The following OCIAD2 variants were observed in gnomAD, a reference collection of about 807,000 sequenced individuals.
OCIAD2 encodes OCIA domain-containing protein 2.
Under a neutral mutation model 22.9 loss-of-function variants are expected in OCIAD2, and 29 were observed. The ratio of observed to expected loss-of-function variants is 1.27; its 90% CI spans 0.94 to 1.73. OCIAD2 has a LOEUF of 1.73. Among genes scored for constraint, OCIAD2 ranks in the 40% most tolerant of loss-of-function variants. The probability of loss-of-function intolerance (pLI) is 0.00; values close to 1 mark genes in which losing one functional copy is unlikely to be tolerated. For synonymous variants in OCIAD2, 67 were observed against 60.2 expected (o/e 1.11, Z -0.52); for missense variants, 189 against 180.3 (o/e 1.05, Z -0.28).
In OCIAD2 at chr4:48,892,806, G is replaced by C; in HGVS notation, c.349C>G (p.Leu117Val). The stretch of plus-strand genomic sequence containing the variant: ...TGTGGACCAAAACCAGCCCCACGGA[G>C]CTGATCTTCAAAAAAATGGAATTTA... ...QSKFHFFEDQ[L>V]RGAGFGPQHN... The change falls in exon 6 of 7, where the codon CTC becomes GTC. Residue 117 changes from leucine (L) to valine (V), a missense_variant. Coordinates refer to ENST00000508632, the MANE Select transcript of OCIAD2 (RefSeq NM_001014446.3). 3 of 1,611,394 alleles carry C rather than the reference G, an allele frequency of 1.9e-6. No homozygotes were observed. The highest frequency in any genetic ancestry group is 1.7e-6 in the Non-Finnish European group (2 of 1,178,002).
intron 6 of OCIAD2, among the ~76,000 whole-genome samples, chr4:48,885,849 TAGG>T (rs1230851587): frequency 1.3e-5 from 2 of 152,160 alleles, no homozygotes; most frequent in Non-Finnish European, 2.9e-5. Context: ...TCAGAAATAA[TAGG>T]AGTATTCTCC....
At chr4:48,906,182 C>G (rs550268766) in intron 1 of OCIAD2, among the ~76,000 whole-genome samples, 1 of 152,212 alleles carries the variant, frequency 6.6e-6, no homozygotes, top group African/African-American at 2.4e-5. Context: ...TAAAAGCAAG[C>G]CTTCCGAGGG....
intron 1 of OCIAD2, among the ~76,000 whole-genome samples, 166 bp downstream of exon 1, chr4:48,906,492 G>C (rs1781528952): frequency 6.6e-6 from 1 of 152,226 alleles, no homozygotes; most frequent in Non-Finnish European, 1.5e-5. Flanking sequence ...GCCACCCCAA[G>C]CTCCCCAGCC....
chr4:48,905,883 C>T (rs1399749837), intron 1 of OCIAD2, among the ~76,000 whole-genome samples: 2 of 152,110 alleles, frequency 1.3e-5, no homozygotes, highest in African/African-American at 4.8e-5. Flanking sequence ...TGACTTAATC[C>T]GTCTCTGCCT....
At position 48,894,054 on chromosome 4, in the gene OCIAD2, C is replaced by T; in HGVS notation, c.218-1G>A. ...AATCTAGAATTAGCTGCCAAATAAC[C>T]TAAGGAGTAATAAAGAAAAACATTA... is the stretch of plus-strand genomic sequence containing the variant. On this transcript the variant is annotated splice_acceptor_variant, in intron 4 of 6. Coordinates refer to ENST00000508632, the MANE Select transcript of OCIAD2 (RefSeq NM_001014446.3). LOFTEE classifies it high-confidence loss of function. The T allele has an allele frequency of 6.9e-7, 1 of 1,439,020 alleles. No individual in the cohort carries two copies. Among genetic ancestry groups the T allele is most frequent in the Non-Finnish European group, 9.3e-7 (1 of 1,069,596 alleles). The allele number at this position is 1,439,020 out of a possible 1,614,324, so 89.1% of individuals were successfully genotyped here. A position where few individuals can be genotyped will look rare whatever the true frequency, so the allele number is the denominator to read the frequency against.
chr4:48,888,639 T>A (rs1781067137), intron 6 of OCIAD2, among the ~76,000 whole-genome samples: 1 of 152,220 alleles, frequency 6.6e-6, no homozygotes, highest in Admixed American at 6.5e-5. Flanking sequence ...AGATTATGTT[T>A]ATTGATTTGC....
chr4:48,902,239 A>G (rs1430427594), intron 2 of OCIAD2, among the ~76,000 whole-genome samples: 1 of 152,072 alleles, frequency 6.6e-6, no homozygotes, highest in African/African-American at 2.4e-5. Flanking sequence ...GATTGTGCTG[A>G]TCTTGCCACT....
intron 2 of OCIAD2, among the ~76,000 whole-genome samples, 176 bp from the exon 3 acceptor site, chr4:48,900,101 T>C (rs1386190962): frequency 1.3e-5 from 2 of 152,216 alleles, no homozygotes; most frequent in Admixed American, 1.3e-4. Context: ...GGAACACTGA[T>C]GGACTTAGGC....
At chr4:48,890,807 A>G (rs547443608) in intron 6 of OCIAD2, among the ~76,000 whole-genome samples, 42 of 152,294 alleles carry the variant, frequency 2.8e-4, no homozygotes, top group African/African-American at 5.3e-4. Flanking sequence ...AACTCATTCA[A>G]TCTGGCTTGG....
At chr4:48,904,395 G>C in intron 2 of OCIAD2, 89 bp downstream of exon 2, 1 of 1,113,982 alleles carries the variant, frequency 9.0e-7, no homozygotes, top group Non-Finnish European at 1.4e-6. Flanking sequence ...ACTGCAGTGA[G>C]CCATGACTGC....
At chr4:48,903,624 G>A (rs544109598) in intron 2 of OCIAD2, among the ~76,000 whole-genome samples, 60 of 149,542 alleles carry the variant, frequency 4.0e-4, no homozygotes, top group African/African-American at 1.4e-3. Context: ...ACAGGAAAGA[G>A]TAAAGAAAGG....
chr4:48,891,499 A>G (rs1185984556), intron 6 of OCIAD2, among the ~76,000 whole-genome samples: 1 of 152,214 alleles, frequency 6.6e-6, no homozygotes, highest in East Asian at 1.9e-4. Context: ...AGCCCTGGAA[A>G]CTAGTTACTT....
At chr4:48,900,486 A>G (rs1040211625) in intron 2 of OCIAD2, among the ~76,000 whole-genome samples, 2 of 150,914 alleles carry the variant, frequency 1.3e-5, no homozygotes, top group Non-Finnish European at 3.0e-5. Context: ...TTTTTTTTTT[A>G]CACATTTATA....
Position 48,885,561 on chromosome 4 carries a change from A to G in OCIAD2, c.388T>C (p.Cys130Arg). Residue 130 changes from cysteine (C) to arginine (R), a missense_variant, in exon 7 of 7, where the codon TGC (cysteine) becomes CGC (arginine). Physicochemically the swap from Cys to Arg is radical, Grantham distance 180 (BLOSUM62 -3). Transcript: ENST00000508632. ...AGFGPQHNRH[C>R]LLTCEECKIK... ...TTGCATTCCTCACAGGTAAGGAGGC[A>G]GTGCCTAGAAGAGAAGCAAAAATAG... 1 of 1,595,406 alleles carries G rather than the reference A, an allele frequency of 6.3e-7. No individual in the cohort carries two copies. Among genetic ancestry groups the G allele is most frequent in the South Asian group, 1.1e-5 (1 of 90,446 alleles).
intron 6 of OCIAD2, among the ~76,000 whole-genome samples, chr4:48,889,434 A>C (rs1477411814): frequency 6.6e-6 from 1 of 152,194 alleles, no homozygotes; most frequent in Non-Finnish European, 1.5e-5. Flanking sequence ...ACCCCATCAA[A>C]AAGTGGGCAA....
rs2109661244 is a variant in OCIAD2 at position 48,885,421 on chromosome 4, T to TGAA, written c.*60_*62dup. 3.4e-6 allele frequency: 3 copies of TGAA among 883,352 alleles called. No individual in the cohort carries two copies. Among genetic ancestry groups the TGAA allele is most frequent in the Non-Finnish European group, 5.7e-6 (3 of 526,536 alleles). The allele number at this position is 883,352 out of a possible 1,614,324, so 54.7% of individuals were successfully genotyped here. ...GAAGTATTTTATTTTAAAGTACACT[T>TGAA]GAAATTTTAAATGTGTACAAATTCA... On this transcript the variant is annotated 3_prime_UTR_variant, in exon 7 of 7. Transcript: ENST00000508632.
intron 2 of OCIAD2, 61 bp from the exon 3 acceptor site, chr4:48,899,986 T>C (rs952188778): frequency 1.6e-6 from 2 of 1,247,826 alleles, no homozygotes; most frequent in African/African-American, 1.5e-5. Flanking sequence ...CACTTTGTTT[T>C]CTACAGAAGA....
rs1403431165 is a variant in OCIAD2, at chr4:48,904,470, A to G, written c.66+14T>C. ...TCTCAATCAATGAATCGATCAATAA[A>G]TATAAAAGTATACCTGCTTGCTTGG... On this transcript the variant is annotated intron_variant, in intron 2 of 6. Transcript: ENST00000508632. 6.2e-7 allele frequency: 1 copy of G among 1,610,848 alleles called. No individual in the cohort carries two copies. The highest frequency in any genetic ancestry group is 2.2e-5 in the East Asian group (1 of 44,870).
intron 2 of OCIAD2, 60 bp downstream of exon 2, chr4:48,904,424 G>T: frequency 7.0e-7 from 1 of 1,435,982 alleles, no homozygotes; most frequent in South Asian, 1.1e-5. Flanking sequence ...ACTCCAGTCT[G>T]GGTGACAGTG....
Sources: allele counts gnomAD v4.1 joint callset (sites outside exome capture counted in the v4.1 genomes callset), GRCh38; gene constraint gnomAD v4.1.1; transcripts MANE v1.5; gene names NCBI Gene and HGNC (gene_info 2026-07-23, HGNC 2026-07-21).